Variants in CSTPP1 observed in about 807,000 individuals in gnomAD.
CSTPP1 encodes centriolar satellite-associated tubulin polyglutamylase complex regulator 1.
chr11:47,020,568 C>T, the CSTPP1 span, among the ~76,000 whole-genome samples: 12 of 151,976 alleles, frequency 7.9e-5, no homozygotes, highest in South Asian at 8.3e-4. Context: ...GCTGTTCATT[C>T]GGCAATAATA....
the CSTPP1 span, among the ~76,000 whole-genome samples, chr11:47,120,721 CCT>C: frequency 3.9e-5 from 6 of 152,236 alleles, no homozygotes; most frequent in South Asian, 1.0e-3. This position sits in a 1 kb window ranked among gnomAD's most constrained non-coding sequence, Gnocchi z 4.2. Flanking sequence ...ACTTCACTGC[CCT>C]GTGTCTGCAA....
At chr11:47,136,490 T>C in the CSTPP1 span, among the ~76,000 whole-genome samples, 3 of 152,222 alleles carry the variant, frequency 2.0e-5, no homozygotes, top group Non-Finnish European at 2.9e-5. Context: ...TCAAACTCTC[T>C]GTCCCCACCT....
the CSTPP1 span, among the ~76,000 whole-genome samples, chr11:47,074,779 T>A: frequency 6.6e-6 from 1 of 152,200 alleles, no homozygotes; most frequent in Non-Finnish European, 1.5e-5. Context: ...AAAGTTTTCC[T>A]TATTGAATTT....
the CSTPP1 span, among the ~76,000 whole-genome samples, chr11:46,999,889 G>A: frequency 6.6e-6 from 1 of 152,120 alleles, no homozygotes; most frequent in Non-Finnish European, 1.5e-5. Context: ...GTCACTCCTT[G>A]GTTGTTGGTG....
chr11:47,104,278 G>A, the CSTPP1 span, among the ~76,000 whole-genome samples: 1 of 152,108 alleles, frequency 6.6e-6, no homozygotes. Flanking sequence ...CACCCATGGG[G>A]CCCACTCATC....
At chr11:47,077,522 G>T in the CSTPP1 span, among the ~76,000 whole-genome samples, 38 of 152,192 alleles carry the variant, frequency 2.5e-4, no homozygotes, top group South Asian at 3.3e-3. Flanking sequence ...TTTTAGATGG[G>T]CAGGGTTTCA....
the CSTPP1 span, among the ~76,000 whole-genome samples, chr11:47,036,360 T>C: frequency 9.8e-6 from 1 of 101,722 alleles, no homozygotes; most frequent in East Asian, 2.4e-4. Context: ...TTCAAATGAA[T>C]AATATACCGT....
the CSTPP1 span, among the ~76,000 whole-genome samples, chr11:47,006,437 T>C: frequency 2.6e-5 from 4 of 152,358 alleles, no homozygotes; most frequent in South Asian, 8.3e-4. Flanking sequence ...TTTAGTGTAA[T>C]GTGTCTAGTT....
At chr11:47,154,966 C>A in the CSTPP1 span, 1 of 599,370 alleles carries the variant, frequency 1.7e-6, no homozygotes, top group Non-Finnish European at 3.0e-6. Flanking sequence ...TGGCAGAGTC[C>A]AATTGATGGA....
At chr11:46,942,404 T>C in the CSTPP1 span, among the ~76,000 whole-genome samples, 2 of 152,158 alleles carry the variant, frequency 1.3e-5, no homozygotes, top group Non-Finnish European at 2.9e-5. Context: ...TTGCCAAACA[T>C]ACCACCTACG....
At chr11:46,975,282 A>AC in the CSTPP1 span, among the ~76,000 whole-genome samples, 1 of 152,212 alleles carries the variant, frequency 6.6e-6, no homozygotes, top group Non-Finnish European at 1.5e-5. Context: ...CTCTCAAAAA[A>AC]ATTTTAAAAG....
At chr11:47,052,426 G>A in the CSTPP1 span, 5 of 1,613,776 alleles carry the variant, frequency 3.1e-6, no homozygotes, top group African/African-American at 2.7e-5. Flanking sequence ...ATTCTCTTTC[G>A]AGAATTCAGC....
chr11:47,088,052 G>A, the CSTPP1 span, among the ~76,000 whole-genome samples: 65 of 152,328 alleles, frequency 4.3e-4, 3 homozygotes, highest in African/African-American at 1.5e-3. Flanking sequence ...GAAGAAGAGA[G>A]CAAGCAGGAA....
chr11:47,111,823 T>C, the CSTPP1 span, among the ~76,000 whole-genome samples: 1 of 152,222 alleles, frequency 6.6e-6, no homozygotes. Flanking sequence ...AAGATCTTCA[T>C]GTAAATACAG....
At chr11:46,972,392 GC>G in the CSTPP1 span, among the ~76,000 whole-genome samples, 2 of 152,244 alleles carry the variant, frequency 1.3e-5, no homozygotes, top group African/African-American at 4.8e-5. Flanking sequence ...AGACCCCCTT[GC>G]TAGGGTTGTT....
the CSTPP1 span, among the ~76,000 whole-genome samples, chr11:47,061,911 A>G: frequency 6.6e-6 from 1 of 151,646 alleles, no homozygotes; most frequent in East Asian, 1.9e-4. Flanking sequence ...CTTTCCCCCT[A>G]TTTAATGTTC....
At chr11:47,156,838 G>A in the CSTPP1 span, among the ~76,000 whole-genome samples, 1 of 152,234 alleles carries the variant, frequency 6.6e-6, no homozygotes, top group East Asian at 1.9e-4. Context: ...ACACAGATTA[G>A]TGTCATCTCT....
chr11:47,161,903 T>A, the CSTPP1 span: 1 of 1,251,296 alleles, frequency 8.0e-7, no homozygotes, highest in East Asian at 3.9e-5. Context: ...GGCCACCTTG[T>A]CACGCCGTAG....
At chr11:47,145,855 C>T in the CSTPP1 span, among the ~76,000 whole-genome samples, 1 of 152,122 alleles carries the variant, frequency 6.6e-6, no homozygotes, top group Non-Finnish European at 1.5e-5. Context: ...AGGCTGGTCT[C>T]GAACTCCTGG....
Sources: allele counts gnomAD v4.1 joint callset (sites outside exome capture counted in the v4.1 genomes callset), GRCh38; gene constraint gnomAD v4.1.1; non-coding constraint Gnocchi (gnomAD v3.1); transcripts MANE v1.5; gene names NCBI Gene and HGNC (gene_info 2026-07-23, HGNC 2026-07-21).